ZNF804B: variants seen among roughly 807,000 people sequenced by gnomAD.
The protein encoded by ZNF804B is zinc finger 804B.
In ZNF804B, 80 loss-of-function variants were observed where a neutral mutation model predicts 101.4. The ratio of observed to expected loss-of-function variants is 0.79; its 90% CI spans 0.66 to 0.95. The LOEUF (loss-of-function observed/expected upper bound fraction) is 0.95, where lower values mean the gene tolerates loss of function less well. ZNF804B is among the 40% of genes least tolerant of loss of function. The probability of loss-of-function intolerance (pLI) is 0.00; values close to 1 mark genes in which losing one functional copy is unlikely to be tolerated. For missense variants in ZNF804B, 1,673 were observed against 1,561.9 expected (o/e 1.07, Z -1.20); for synonymous variants, 622 against 558.8 (o/e 1.11, Z -1.59).
intron 2 of ZNF804B, among the ~76,000 whole-genome samples, chr7:89,293,412 A>T (rs112975362): frequency 0.013 from 2,053 of 152,276 alleles, 41 homozygotes; most frequent in African/African-American, 0.046. Flanking sequence ...AAAATAAAAT[A>T]AAAGTAAATT....
intron 2 of ZNF804B, among the ~76,000 whole-genome samples, chr7:89,325,885 C>T (rs1790888286): frequency 6.6e-6 from 1 of 151,872 alleles, no homozygotes; most frequent in Admixed American, 6.6e-5. Flanking sequence ...TCATTTAGGA[C>T]AATTTCCAAA....
At chr7:88,902,486 A>G (rs1028631128) in intron 1 of ZNF804B, among the ~76,000 whole-genome samples, 1 of 151,978 alleles carries the variant, frequency 6.6e-6, no homozygotes, top group Non-Finnish European at 1.5e-5. Flanking sequence ...CCCAAAACTC[A>G]CTTTGGAGTA....
intron 1 of ZNF804B, among the ~76,000 whole-genome samples, chr7:88,845,854 G>A (rs922514860): frequency 1.3e-5 from 2 of 152,108 alleles, no homozygotes; most frequent in Admixed American, 1.3e-4. Context: ...TTTCATCCCT[G>A]TTAGTCAGTT....
At chr7:89,146,928 T>C (rs1185092797) in intron 1 of ZNF804B, among the ~76,000 whole-genome samples, 1 of 151,266 alleles carries the variant, frequency 6.6e-6, no homozygotes. Flanking sequence ...ACTTGGGAGG[T>C]CAAAATGGGA....
intron 1 of ZNF804B, among the ~76,000 whole-genome samples, chr7:89,043,355 A>ACC (rs1349042274): frequency 6.6e-6 from 1 of 152,236 alleles, no homozygotes; most frequent in Non-Finnish European, 1.5e-5. Context: ...TTTACAATTA[A>ACC]ACACAGTAGT....
chr7:89,011,330 C>T (rs1189276397), intron 1 of ZNF804B, among the ~76,000 whole-genome samples: 1 of 152,108 alleles, frequency 6.6e-6, no homozygotes, highest in African/African-American at 2.4e-5. Context: ...AGAGCCAAAC[C>T]ATATCATTCT....
At chr7:88,760,520 AT>A (rs34993568) in intron 1 of ZNF804B, among the ~76,000 whole-genome samples, 1 of 152,222 alleles carries the variant, frequency 6.6e-6, no homozygotes, top group African/African-American at 2.4e-5. Flanking sequence ...AAACTCAAAG[AT>A]TTTCCCTCAA....
chr7:88,762,839 A>G (rs1221584627), intron 1 of ZNF804B, among the ~76,000 whole-genome samples: 7 of 152,124 alleles, frequency 4.6e-5, no homozygotes, highest in African/African-American at 1.7e-4. Flanking sequence ...ACTTTCACTA[A>G]GATTTCCAAT....
At chr7:89,222,953 C>A (rs1458948380) in intron 2 of ZNF804B, among the ~76,000 whole-genome samples, 1 of 151,788 alleles carries the variant, frequency 6.6e-6, no homozygotes, top group Non-Finnish European at 1.5e-5. Context: ...TTTATTTTAG[C>A]CCAAAATATT....
At chr7:89,198,405 C>A (rs887666583) in intron 1 of ZNF804B, among the ~76,000 whole-genome samples, 30 of 151,742 alleles carry the variant, frequency 2.0e-4, no homozygotes, top group Non-Finnish European at 3.2e-4. Context: ...TTTATGTTTA[C>A]AATAATATTA....
chr7:89,235,168 A>G (rs1198513914), intron 2 of ZNF804B, among the ~76,000 whole-genome samples: 3 of 152,200 alleles, frequency 2.0e-5, no homozygotes, highest in African/African-American at 7.2e-5. Context: ...TCATAAAATG[A>G]CAAAACAAAA....
intron 1 of ZNF804B, among the ~76,000 whole-genome samples, chr7:88,784,393 T>C (rs1304757904): frequency 1.3e-5 from 2 of 152,146 alleles, no homozygotes; most frequent in African/African-American, 2.4e-5. Context: ...TCCTGAGCTG[T>C]GTACATAGTC....
chr7:89,207,086 AT>A (rs2115665999), intron 1 of ZNF804B, among the ~76,000 whole-genome samples: 1 of 152,102 alleles, frequency 6.6e-6, no homozygotes, highest in South Asian at 2.1e-4. Context: ...ACTTTCCCAT[AT>A]TTTCCTGTTT....
At chr7:89,183,074 G>T (rs1249332084) in intron 1 of ZNF804B, among the ~76,000 whole-genome samples, 1 of 152,176 alleles carries the variant, frequency 6.6e-6, no homozygotes, top group Non-Finnish European at 1.5e-5. Flanking sequence ...TTTGGCAAAA[G>T]TGACCGGAGA....
At chr7:89,102,742 A>T (rs540236361) in intron 1 of ZNF804B, among the ~76,000 whole-genome samples, 1 of 151,910 alleles carries the variant, frequency 6.6e-6, no homozygotes, top group South Asian at 2.1e-4. Context: ...TCTTTGTCAT[A>T]AATTATTTGC....
intron 2 of ZNF804B, among the ~76,000 whole-genome samples, chr7:89,249,954 G>A (rs1186721043): frequency 3.9e-5 from 6 of 152,072 alleles, no homozygotes; most frequent in South Asian, 2.1e-4. Context: ...TTGGGAGGCC[G>A]AGGCTGGTGA....
At chr7:88,814,463 C>CAT (rs1201627430) in intron 1 of ZNF804B, among the ~76,000 whole-genome samples, 12 of 76,836 alleles carry the variant, frequency 1.6e-4, no homozygotes, top group Non-Finnish European at 2.3e-4. Flanking sequence ...CACACACACA[C>CAT]ACACACACAC....
chr7:88,992,989 A>C (rs1562853660), intron 1 of ZNF804B, among the ~76,000 whole-genome samples: 1 of 152,060 alleles, frequency 6.6e-6, no homozygotes, highest in East Asian at 1.9e-4. Context: ...TGTTGTATTT[A>C]ATTATGAGTG....
chr7:88,811,931 TAACA>T (rs1161977033), intron 1 of ZNF804B, among the ~76,000 whole-genome samples: 1 of 152,126 alleles, frequency 6.6e-6, no homozygotes, highest in Non-Finnish European at 1.5e-5. Context: ...TTTATCTCTG[TAACA>T]AACCTGCACA....
Sources: allele counts gnomAD v4.1 joint callset (sites outside exome capture counted in the v4.1 genomes callset), GRCh38; gene constraint gnomAD v4.1.1; transcripts MANE v1.5; gene names NCBI Gene and HGNC (gene_info 2026-07-23, HGNC 2026-07-21).